Variants in BLMH observed in about 807,000 individuals in gnomAD.
BLMH encodes BLM hydrolase.
In BLMH, 32 loss-of-function variants were observed where a neutral mutation model predicts 61.6. The ratio of observed to expected loss-of-function variants is 0.52; its 90% CI spans 0.39 to 0.70. BLMH has a LOEUF of 0.70. Ranked by LOEUF, BLMH falls within the 30% of genes least tolerant of loss-of-function variation. BLMH has a pLI of 0.00. For missense variants in BLMH, 460 were observed against 555.5 expected (o/e 0.83, Z 1.73); for synonymous variants, 183 against 193.8 (o/e 0.94, Z 0.46).
At chr17:30,259,268 C>T (rs1228924060) in intron 11 of BLMH, among the ~76,000 whole-genome samples, 1 of 152,202 alleles carries the variant, frequency 6.6e-6, no homozygotes, top group African/African-American at 2.4e-5. Context: ...TGACATGCTG[C>T]TGATGGAGCA....
chr17:30,248,878 G>C lies in BLMH; in HGVS notation c.*139C>G. ...AGCATAAAGCACACTTTCTGAAGAG[G>C]TTCCTGGTGGAGACTGGAAATCTGA... is the stretch of plus-strand genomic sequence containing the variant. On this transcript the variant is annotated 3_prime_UTR_variant, in exon 12 of 12. Transcript: ENST00000261714. The C allele has an allele frequency of 1.9e-6, 2 of 1,073,364 alleles. No homozygotes were observed. The highest frequency in any genetic ancestry group is 1.4e-6 in the Non-Finnish European group (1 of 737,420). The allele number at this position is 1,073,364 out of a possible 1,614,324, so 66.5% of individuals were successfully genotyped here. A position where few individuals can be genotyped will look rare whatever the true frequency, so the allele number is the denominator to read the frequency against.
At position 30,248,987 on chromosome 17, in the gene BLMH, A is replaced by G; in HGVS notation, c.*30T>C. The G allele has an allele frequency of 6.2e-7, 1 of 1,612,388 alleles. No individual in the cohort carries two copies. Among genetic ancestry groups the G allele is most frequent in the Non-Finnish European group, 8.5e-7 (1 of 1,179,216 alleles). ...GTCCTTTGCAGCTACGTCAGGTTCC[A>G]TGGAAGGAGGAAAGAGCTGGAGGGC... On this transcript the variant is annotated 3_prime_UTR_variant, in exon 12 of 12. Transcript: ENST00000261714.
intron 6 of BLMH, among the ~76,000 whole-genome samples, chr17:30,275,805 T>G (rs1386164287): frequency 2.0e-5 from 3 of 152,162 alleles, no homozygotes; most frequent in Non-Finnish European, 4.4e-5. Context: ...AACATAACAC[T>G]ATGATCTGCC....
Position 30,287,704 on chromosome 17 carries a change from C to T in BLMH, c.463+102G>A. 8.9e-6 allele frequency: 12 copies of T among 1,345,464 alleles called. No individual in the cohort carries two copies. The South Asian group carries it at 1.6e-4, about 18-fold the overall frequency. 83.3% of individuals were successfully genotyped at this position (1,345,464 alleles called of 1,614,324 possible). On this transcript the variant is annotated intron_variant, in intron 4 of 11. Coordinates refer to ENST00000261714, the MANE Select transcript of BLMH (RefSeq NM_000386.4). Reference sequence around the variant, plus strand: ...ATAACTATATATCCTTCTTGGAGACCAATTCTACTCTGTACACAACCACCA... The same window carrying T: ...ATAACTATATATCCTTCTTGGAGACTAATTCTACTCTGTACACAACCACCA...
intron 11 of BLMH, among the ~76,000 whole-genome samples, chr17:30,252,557 A>G (rs1907699349): frequency 6.7e-6 from 1 of 150,104 alleles, no homozygotes; most frequent in African/African-American, 2.5e-5. Context: ...AAAAAAAAAA[A>G]AATTAGCTGG....
At chr17:30,284,841 G>T (rs1347769242) in intron 6 of BLMH, among the ~76,000 whole-genome samples, 1 of 152,152 alleles carries the variant, frequency 6.6e-6, no homozygotes, top group East Asian at 1.9e-4. Context: ...ATTCCCTGAA[G>T]GTTCTATCTT....
In BLMH at chr17:30,291,354, G is replaced by C; in HGVS notation, c.168C>G (p.Ala56=). The change falls in exon 2 of 12, where the codon GCC becomes GCG. Residue 56 remains alanine, a synonymous_variant. Transcript: ENST00000261714. ...TGATTGGCTTGCCCTCCTGGGGCAC[G>C]GCGTGCTGGAACACATGCTGCGCGC... ...VQRAQHVFQH[A]VPQEGKPITN... is the part of the protein sequence containing the mutation. 1.9e-6 allele frequency: 3 copies of C among 1,612,532 alleles called. No homozygotes were observed. Among genetic ancestry groups the C allele is most frequent in the South Asian group, 1.1e-5 (1 of 91,058 alleles).
rs376358008 is a variant in BLMH, at chr17:30,289,329, G to A, written c.321+44C>T. 4.9e-5 allele frequency: 65 copies of A among 1,330,064 alleles called. No homozygotes were observed. The African/African-American group carries it at 7.4e-4, about 15-fold the overall frequency. The allele number at this position is 1,330,064 out of a possible 1,614,324, so 82.4% of individuals were successfully genotyped here. On this transcript the variant is annotated intron_variant, in intron 3 of 11. Transcript: ENST00000261714. ...AAAAGAAGAGGCAGTCCCTACCAAG[G>A]CTGATATCAATACAAAAAGAATCTT...
intron 11 of BLMH, among the ~76,000 whole-genome samples, chr17:30,266,232 T>G (rs114815672): frequency 3.3e-5 from 5 of 152,014 alleles, no homozygotes; most frequent in Admixed American, 6.6e-5. Context: ...ATGTAGTAGA[T>G]GAAAATACAT....
chr17:30,281,970 C>T (rs947150594), intron 6 of BLMH, among the ~76,000 whole-genome samples: 1 of 152,164 alleles, frequency 6.6e-6, no homozygotes, highest in African/African-American at 2.4e-5. Context: ...TAGCTGACAG[C>T]CACTGCTATA....
chr17:30,255,329 T>C (rs1185532775), intron 11 of BLMH, among the ~76,000 whole-genome samples: 1 of 152,170 alleles, frequency 6.6e-6, no homozygotes, highest in Non-Finnish European at 1.5e-5. Context: ...GGCTATACCA[T>C]CAAGGTTTGT....
At chr17:30,273,892 C>T in intron 7 of BLMH, 150 bp downstream of exon 7, 1 of 937,654 alleles carries the variant, frequency 1.1e-6, no homozygotes, top group Non-Finnish European at 1.6e-6. Context: ...TCATTAGCTG[C>T]ATAAAATACT....
At chr17:30,278,655 C>T (rs1187897335) in intron 6 of BLMH, among the ~76,000 whole-genome samples, 3 of 152,206 alleles carry the variant, frequency 2.0e-5, no homozygotes, top group South Asian at 2.1e-4. Flanking sequence ...AAATATTTAA[C>T]GAACACGTGA....
intron 7 of BLMH, chr17:30,273,434 T>G (rs1908333939): frequency 6.3e-6 from 1 of 158,442 alleles, no homozygotes; most frequent in African/African-American, 2.4e-5. Flanking sequence ...CCCAGTGTGC[T>G]GGGATTACAG....
intron 10 of BLMH, among the ~76,000 whole-genome samples, chr17:30,267,702 C>G (rs2143021299): frequency 6.6e-6 from 1 of 152,306 alleles, no homozygotes; most frequent in East Asian, 1.9e-4. Flanking sequence ...ACAGCCTTTA[C>G]TATAGTGACA....
At chr17:30,261,704 A>G (rs920662021) in intron 11 of BLMH, among the ~76,000 whole-genome samples, 1 of 152,244 alleles carries the variant, frequency 6.6e-6, no homozygotes, top group African/African-American at 2.4e-5. Flanking sequence ...TATGAAGAAT[A>G]TGTTGATTTT....
Position 30,251,190 on chromosome 17 carries a change from T to C in BLMH, c.1217-2022A>G, listed in dbSNP as rs201445809. The stretch of plus-strand genomic sequence containing the variant: ...TCCCAGAAATCACCACTAAAGAACT[T>C]ATCCATGTAACCAAAACCCACCTGT... On this transcript the variant is annotated intron_variant, in intron 11 of 11. Coordinates refer to ENST00000261714, the MANE Select transcript of BLMH (RefSeq NM_000386.4). 7.2e-5 allele frequency among the ~76,000 whole-genome samples: 11 copies of C among 152,126 alleles called. No homozygotes were observed. The East Asian group carries it at 2.1e-3, about 29-fold the overall frequency.
In BLMH at chr17:30,248,887, G is replaced by A. The variant is rs3190884; in HGVS notation, c.*130C>T. Reference sequence around the variant, plus strand: ...CACACTTTCTGAAGAGGTTCCTGGTGGAGACTGGAAATCTGACTGTGTCCT... The same window carrying A: ...CACACTTTCTGAAGAGGTTCCTGGTAGAGACTGGAAATCTGACTGTGTCCT... On this transcript the variant is annotated 3_prime_UTR_variant, in exon 12 of 12. Transcript: ENST00000261714. 3,220 of 1,174,332 alleles carry A rather than the reference G, an allele frequency of 2.7e-3. 67 individuals carry two copies. In the African/African-American group the frequency reaches 0.044, roughly 16 times the overall value. 72.7% of individuals were successfully genotyped at this position (1,174,332 alleles called of 1,614,324 possible). A position where few individuals can be genotyped will look rare whatever the true frequency, so the allele number is the denominator to read the frequency against.
At chr17:30,288,020 A>G in intron 3 of BLMH, 73 bp from the exon 4 acceptor site, 1 of 1,415,074 alleles carries the variant, frequency 7.1e-7, no homozygotes, top group South Asian at 1.3e-5. Context: ...TATCAACAGA[A>G]TGGGAGTCTT....
Sources: allele counts gnomAD v4.1 joint callset (sites outside exome capture counted in the v4.1 genomes callset), GRCh38; gene constraint gnomAD v4.1.1; transcripts MANE v1.5; gene names NCBI Gene and HGNC (gene_info 2026-07-23, HGNC 2026-07-21).